Variants in TTC7A observed in about 807,000 individuals in gnomAD.
TTC7A encodes tetratricopeptide repeat protein 7A.
Under a neutral mutation model 103.7 loss-of-function variants are expected in TTC7A, and 110 were observed. The observed-to-expected ratio is 1.06, with a 90% confidence interval of 0.91 to 1.24. The LOEUF (loss-of-function observed/expected upper bound fraction) is 1.24, where lower values mean the gene tolerates loss of function less well. Ranked by LOEUF, TTC7A falls within the 50% of genes most tolerant of loss-of-function variation. TTC7A has a pLI of 0.00. For synonymous variants in TTC7A, 521 were observed against 467.9 expected (o/e 1.11, Z -1.47); for missense variants, 1,340 against 1,116.3 (o/e 1.20, Z -2.86).
chr2:46,994,384 C>A lies in TTC7A; in HGVS notation c.871C>A (p.Leu291Met). 6.2e-7 allele frequency: 1 copy of A among 1,613,706 alleles called. No individual in the cohort carries two copies. Among genetic ancestry groups the A allele is most frequent in the Non-Finnish European group, 8.5e-7 (1 of 1,179,802 alleles). ...VMAAKHLAGV[L>M]LHSLSEECYW... is the part of the protein sequence containing the mutation. ...GGCGGCCAAGCACCTGGCGGGGGTCCTGCTGCACTCCCTGAGTGAGGAGTG... is the reference window on the plus strand; with the variant it reads ...GGCGGCCAAGCACCTGGCGGGGGTCATGCTGCACTCCCTGAGTGAGGAGTG... Residue 291 changes from leucine to methionine, a missense_variant, in exon 7 of 20, where the codon CTG becomes ATG. Transcript: ENST00000319190.
intron 2 of TTC7A, among the ~76,000 whole-genome samples, chr2:46,924,317 A>T (rs996155911): frequency 6.6e-6 from 1 of 151,600 alleles, no homozygotes; most frequent in Non-Finnish European, 1.5e-5. Flanking sequence ...GCTCATCAAC[A>T]TTCTTCCCTT....
chr2:47,014,352 T>A (rs978161117), intron 11 of TTC7A, among the ~76,000 whole-genome samples: 1 of 152,164 alleles, frequency 6.6e-6, no homozygotes, highest in African/African-American at 2.4e-5. Context: ...CTCCCAGCAC[T>A]CTGCACCTAA....
chr2:46,949,321 C>T (rs992949992), intron 1 of TTC7A, among the ~76,000 whole-genome samples: 1 of 151,196 alleles, frequency 6.6e-6, no homozygotes, highest in South Asian at 2.1e-4. Context: ...CTGCAACCTC[C>T]GTCTCCCGAA....
At position 47,060,942 on chromosome 2, in the gene TTC7A, C is replaced by T; in HGVS notation, c.2326C>T (p.Pro776Ser). 1 of 1,613,800 alleles carries T rather than the reference C, an allele frequency of 6.2e-7. No individual in the cohort carries two copies. ...QLYKEALTVN[P>S]DGVRIMHSLG... ...GTACAAGGAGGCGCTCACGGTGAAC[C>T]CAGATGGCGTGCGCATCATGCATAG... is the stretch of plus-strand genomic sequence containing the variant. The change falls in exon 19 of 20, where the codon CCA becomes TCA. Residue 776 changes from proline (P) to serine (S), a missense_variant. Pro to Ser is a moderately conservative substitution (Grantham distance 74, BLOSUM62 -1). Coordinates refer to ENST00000319190, the MANE Select transcript of TTC7A (RefSeq NM_020458.4).
chr2:46,951,257 C>G (rs1671377984), intron 2 of TTC7A, among the ~76,000 whole-genome samples: 1 of 151,970 alleles, frequency 6.6e-6, no homozygotes, highest in African/African-American at 2.4e-5. Flanking sequence ...AAAATGTGGT[C>G]CACCCACCAG....
chr2:46,995,005 A>G (rs1676032808), intron 7 of TTC7A, 131 bp from the exon 8 acceptor site: 8 of 798,474 alleles, frequency 1.0e-5, no homozygotes, highest in East Asian at 2.7e-5. Flanking sequence ...TCCGGTGCCC[A>G]TGAATTATGC....
chr2:46,934,025 T>C (rs73926978), intron 2 of TTC7A, among the ~76,000 whole-genome samples: 8,755 of 152,160 alleles, frequency 0.058, 306 homozygotes, highest in African/African-American at 0.091. Flanking sequence ...CTCACAGCCA[T>C]TGTGACAACT....
intron 11 of TTC7A, among the ~76,000 whole-genome samples, chr2:47,019,751 ACATGGCCGTGTATT>A (rs1232226270): frequency 1.3e-5 from 2 of 152,122 alleles, no homozygotes; most frequent in African/African-American, 4.8e-5. Flanking sequence ...GAGCAGAAGG[ACATGGCCGTGTATT>A]CATGGAGTGC....
chr2:47,016,393 C>A (rs1678664338), intron 11 of TTC7A, among the ~76,000 whole-genome samples: 1 of 152,236 alleles, frequency 6.6e-6, no homozygotes, highest in Non-Finnish European at 1.5e-5. Context: ...CGCTTCAGCT[C>A]AGCTCCCTGT....
chr2:46,989,514 A>G lies in TTC7A; in HGVS notation c.765-3936A>G, dbSNP rs1572831662. 1.3e-5 allele frequency among the ~76,000 whole-genome samples: 2 copies of G among 152,050 alleles called. 1 individual carries two copies. The highest frequency in any genetic ancestry group is 2.9e-5 in the Non-Finnish European group (2 of 68,016). ...CTGGAGAAGCCCCGTGTGCTTTCTC[A>G]TTTCTCAGAGGAGTAAGCTGAGGCA... On this transcript the variant is annotated intron_variant, in intron 5 of 19. Coordinates refer to ENST00000319190, the MANE Select transcript of TTC7A (RefSeq NM_020458.4).
At chr2:46,994,609 T>C in intron 7 of TTC7A, 95 bp downstream of exon 7, 1 of 1,294,738 alleles carries the variant, frequency 7.7e-7, no homozygotes, top group African/African-American at 1.5e-5. Flanking sequence ...CATGCTCTCC[T>C]CCAGTCTCCA....
Position 46,970,626 on chromosome 2 carries a change from A to C in TTC7A, c.518-4347A>C, listed in dbSNP as rs200894279. Among the ~76,000 whole-genome samples, 33 of 152,352 alleles carry C rather than the reference A, an allele frequency of 2.2e-4. No homozygotes were observed. The East Asian group carries it at 5.2e-3, about 24-fold the overall frequency. On this transcript the variant is annotated intron_variant, in intron 3 of 19. Coordinates refer to ENST00000319190, the MANE Select transcript of TTC7A (RefSeq NM_020458.4). ...GAATTGGCTGTGCCCTGCCACCTGC[A>C]GTTGGTCTCCTGGGCCAGGCCTCTG...
chr2:46,922,230 G>T (rs916151746), intron 2 of TTC7A, among the ~76,000 whole-genome samples: 7 of 152,116 alleles, frequency 4.6e-5, no homozygotes, highest in African/African-American at 1.7e-4. Flanking sequence ...CTATAATGTT[G>T]CATTAGGCCT....
At chr2:46,968,598 C>A (rs913190916) in intron 3 of TTC7A, among the ~76,000 whole-genome samples, 7 of 152,284 alleles carry the variant, frequency 4.6e-5, no homozygotes, top group Admixed American at 4.6e-4. Flanking sequence ...TTAGGAAAAG[C>A]CACTGCCAGC....
At chr2:46,998,482 G>A (rs1014661625) in intron 8 of TTC7A, among the ~76,000 whole-genome samples, 1 of 152,112 alleles carries the variant, frequency 6.6e-6, no homozygotes, top group Non-Finnish European at 1.5e-5. Flanking sequence ...ATACCTCTCA[G>A]CTGAACCCCA....
chr2:47,033,897 C>T (rs2104619858), intron 15 of TTC7A, among the ~76,000 whole-genome samples: 1 of 152,302 alleles, frequency 6.6e-6, no homozygotes, highest in South Asian at 2.1e-4. Flanking sequence ...GGGAAGGAAG[C>T]TCTGGGGAAA....
intron 2 of TTC7A, among the ~76,000 whole-genome samples, chr2:46,951,138 C>T (rs1343789698): frequency 6.6e-6 from 1 of 152,074 alleles, no homozygotes; most frequent in Admixed American, 6.6e-5. Flanking sequence ...TTTAAGTCCA[C>T]GTGTATTTAT....
intron 19 of TTC7A, among the ~76,000 whole-genome samples, chr2:47,065,262 G>A (rs1684091064): frequency 6.6e-6 from 1 of 152,240 alleles, no homozygotes; most frequent in Non-Finnish European, 1.5e-5. Flanking sequence ...ACTCCAGCCT[G>A]GGTGACAGAG....
chr2:47,073,424 C>T (rs545172275), intron 19 of TTC7A, among the ~76,000 whole-genome samples: 54 of 152,298 alleles, frequency 3.5e-4, no homozygotes, highest in African/African-American at 1.2e-3. Context: ...GTGACACAGC[C>T]AGGTCTGTTG....
Sources: gnomAD v4.1 joint callset for allele counts (sites outside exome capture counted in the v4.1 genomes callset) on GRCh38, gnomAD v4.1.1 for gene constraint, MANE v1.5 for transcripts, NCBI Gene and HGNC (gene_info 2026-07-23, HGNC 2026-07-21) for gene names.